LAMA2: variants seen among roughly 807,000 people sequenced by gnomAD.
LAMA2 encodes laminin subunit alpha-2.
In LAMA2, 269 loss-of-function variants were observed where a neutral mutation model predicts 364.8. That is an observed-to-expected ratio of 0.74 (90% CI 0.67 to 0.82). The LOEUF (loss-of-function observed/expected upper bound fraction) is 0.82, where lower values mean the gene tolerates loss of function less well. LAMA2 is among the 40% of genes least tolerant of loss of function. LAMA2 has a pLI of 0.00. For synonymous variants in LAMA2, 1,379 were observed against 1,370.6 expected (o/e 1.01, Z -0.14); for missense variants, 3,807 against 3,873.2 (o/e 0.98, Z 0.45).
intron 1 of LAMA2, among the ~76,000 whole-genome samples, chr6:128,921,711 T>A (rs535168567): frequency 0.012 from 1,688 of 138,788 alleles, 16 homozygotes; most frequent in South Asian, 0.017. Context: ...TTTTTTTTTT[T>A]TTATTATTAT....
chr6:129,297,902 T>C (rs1773293860), intron 21 of LAMA2, 37 bp downstream of exon 21: 7 of 1,571,722 alleles, frequency 4.5e-6, no homozygotes, highest in Non-Finnish European at 6.1e-6. Flanking sequence ...ATATTCACTC[T>C]GATAGTTTTA....
intron 4 of LAMA2, among the ~76,000 whole-genome samples, chr6:129,121,909 T>C (rs1776824678): frequency 6.6e-6 from 1 of 152,148 alleles, no homozygotes; most frequent in Non-Finnish European, 1.5e-5. Context: ...ATAGCTTCAG[T>C]TGAGATAAAG....
intron 37 of LAMA2, among the ~76,000 whole-genome samples, chr6:129,396,974 A>G (rs1334790868): frequency 7.2e-5 from 1 of 13,842 alleles, no homozygotes; most frequent in Non-Finnish European, 2.2e-4. Flanking sequence ...ACAATGAGAC[A>G]GTGAGACAGT....
At chr6:129,387,539 G>A (rs1779082938) in intron 35 of LAMA2, among the ~76,000 whole-genome samples, 1 of 152,110 alleles carries the variant, frequency 6.6e-6, no homozygotes, top group East Asian at 1.9e-4. Flanking sequence ...ATTTGACCCA[G>A]CAACCCCATA....
chr6:129,228,333 T>C (rs1293963399), intron 12 of LAMA2, among the ~76,000 whole-genome samples: 1 of 152,060 alleles, frequency 6.6e-6, no homozygotes, highest in African/African-American at 2.4e-5. Flanking sequence ...CTGCAACCAC[T>C]GTCCTGCACC....
In LAMA2 at chr6:129,147,058, T is replaced by C. The variant is rs1778500463; in HGVS notation, c.909+10T>C. 1 of 1,561,320 alleles carries C rather than the reference T, an allele frequency of 6.4e-7. No homozygotes were observed. The highest frequency in any genetic ancestry group is 8.8e-7 in the Non-Finnish European group (1 of 1,132,078). On this transcript the variant is annotated intron_variant, in intron 6 of 64. Transcript: ENST00000421865. ...TGATCCAGCGACAAATGTATGTATA[T>C]TTATAGGATGCTTAGGCAAAATGAA...
At chr6:129,319,357 T>G (rs1774811460) in intron 27 of LAMA2, among the ~76,000 whole-genome samples, 1 of 152,178 alleles carries the variant, frequency 6.6e-6, no homozygotes. Flanking sequence ...CTGAAGCCAC[T>G]CACATTTTAA....
chr6:129,076,246 A>G (rs1309031356), intron 3 of LAMA2, among the ~76,000 whole-genome samples: 2 of 151,584 alleles, frequency 1.3e-5, no homozygotes, highest in East Asian at 1.9e-4. Context: ...AAGAGGGCCT[A>G]TAATTGAATC....
intron 12 of LAMA2, among the ~76,000 whole-genome samples, chr6:129,209,794 G>C (rs541073485): frequency 2.6e-4 from 39 of 151,892 alleles, no homozygotes; most frequent in Admixed American, 9.2e-4. Context: ...ACGAGGTCAG[G>C]AGATCGAGAC....
chr6:128,936,118 C>A (rs111263362), intron 1 of LAMA2, among the ~76,000 whole-genome samples: 3 of 152,232 alleles, frequency 2.0e-5, no homozygotes, highest in Non-Finnish European at 4.4e-5. Context: ...CCTTCTGCCA[C>A]GGTTGTAAGC....
chr6:129,077,881 C>T (rs1641330512), intron 3 of LAMA2, among the ~76,000 whole-genome samples: 1 of 152,066 alleles, frequency 6.6e-6, no homozygotes, highest in South Asian at 2.1e-4. Context: ...GGAGGGATGA[C>T]TAGGCAGAGC....
chr6:129,116,352 T>G (rs1390199407), intron 4 of LAMA2, among the ~76,000 whole-genome samples: 1 of 152,168 alleles, frequency 6.6e-6, no homozygotes, highest in Non-Finnish European at 1.5e-5. Context: ...GTTGATTGCT[T>G]TTATAATGAT....
At chr6:128,945,189 C>A (rs1216599171) in intron 1 of LAMA2, among the ~76,000 whole-genome samples, 3 of 151,966 alleles carry the variant, frequency 2.0e-5, no homozygotes, top group Non-Finnish European at 2.9e-5. Flanking sequence ...GCCTCACTTG[C>A]CTAAACATTT....
chr6:128,929,324 C>T (rs1779297628), intron 1 of LAMA2: 13 of 1,180,122 alleles, frequency 1.1e-5, no homozygotes, highest in Non-Finnish European at 1.7e-5. Context: ...CTCACAGAGC[C>T]AAGTACACGG....
intron 1 of LAMA2, among the ~76,000 whole-genome samples, chr6:128,950,088 C>T (rs1189870514): frequency 6.6e-6 from 1 of 152,044 alleles, no homozygotes; most frequent in Non-Finnish European, 1.5e-5. Context: ...TTACAATATG[C>T]CCGGGACTGT....
intron 12 of LAMA2, among the ~76,000 whole-genome samples, chr6:129,193,637 C>T (rs56066662): frequency 0.14 from 21,087 of 152,070 alleles, 2,311 homozygotes; most frequent in African/African-American, 0.31. Context: ...AAAGTTAATA[C>T]CTTCTCAGCT....
At chr6:128,909,959 T>C (rs1405378964) in intron 1 of LAMA2, among the ~76,000 whole-genome samples, 1 of 152,100 alleles carries the variant, frequency 6.6e-6, no homozygotes, top group Non-Finnish European at 1.5e-5. Context: ...ATGTTGAATA[T>C]TGGCCCCCAC....
At chr6:129,383,011 T>A (rs977204376) in intron 34 of LAMA2, 111 bp from the exon 35 acceptor site, 1 of 802,516 alleles carries the variant, frequency 1.2e-6, no homozygotes, top group East Asian at 2.6e-5. Flanking sequence ...AATTCATCGA[T>A]TGCCGTTGGC....
chr6:128,996,247 G>A (rs184793801), intron 1 of LAMA2, among the ~76,000 whole-genome samples: 22 of 152,282 alleles, frequency 1.4e-4, no homozygotes, highest in African/African-American at 4.8e-4. Flanking sequence ...GAAGATCGGG[G>A]AAATGAGCAC....
Sources: gnomAD v4.1 joint callset for allele counts (sites outside exome capture counted in the v4.1 genomes callset) on GRCh38, gnomAD v4.1.1 for gene constraint, MANE v1.5 for transcripts, NCBI Gene and HGNC (gene_info 2026-07-23, HGNC 2026-07-21) for gene names.